The following TNFRSF10B variants were observed in gnomAD, a reference collection of about 807,000 sequenced individuals.
The protein encoded by TNFRSF10B is tumor necrosis factor receptor superfamily member 10B.
TNFRSF10B carries 35 observed loss-of-function variants against 41.4 expected under a neutral mutation model. The observed-to-expected ratio is 0.85, with a 90% CI of 0.65 to 1.12. The LOEUF (loss-of-function observed/expected upper bound fraction) is 1.12, where lower values mean the gene tolerates loss of function less well. TNFRSF10B is among the 50% of genes most tolerant of loss of function. The pLI is 0.00. For missense variants in TNFRSF10B, 584 were observed against 552.7 expected (o/e 1.06, Z -0.57); for synonymous variants, 230 against 215.5 (o/e 1.07, Z -0.59).
intron 2 of TNFRSF10B, among the ~76,000 whole-genome samples, chr8:23,037,087 C>T (rs1004779536): frequency 2.6e-5 from 4 of 152,160 alleles, no homozygotes; most frequent in Non-Finnish European, 5.9e-5. Context: ...CCCCATGTGA[C>T]ACAAATATCT....
chr8:23,043,313 T>C (rs1452715832), intron 1 of TNFRSF10B, 70 bp from the exon 2 acceptor site: 8 of 1,289,916 alleles, frequency 6.2e-6, no homozygotes, highest in African/African-American at 5.9e-5. Flanking sequence ...CCACTCACAT[T>C]CTCTTGAGCC....
chr8:23,065,073 T>C (rs974531954), intron 1 of TNFRSF10B, among the ~76,000 whole-genome samples: 6 of 152,134 alleles, frequency 3.9e-5, no homozygotes, highest in African/African-American at 1.4e-4. Context: ...TGCTTCCTGA[T>C]AGTTATTTAG....
chr8:23,068,557 G>A, intron 1 of TNFRSF10B, 194 bp downstream of exon 1: 1 of 798,560 alleles, frequency 1.3e-6, no homozygotes, highest in African/African-American at 1.8e-5. Context: ...TCTGTTCCCT[G>A]GCGGCCCAGG....
chr8:23,044,158 A>C (rs904069536), intron 1 of TNFRSF10B, among the ~76,000 whole-genome samples: 2 of 152,242 alleles, frequency 1.3e-5, no homozygotes, highest in Admixed American at 6.5e-5. Context: ...ACTTACACGT[A>C]TACAAAAATT....
rs770428803 is a variant in TNFRSF10B at position 23,068,919 on chromosome 8, C to G, written c.-25G>C. The G allele has an allele frequency of 6.2e-7, 1 of 1,613,094 alleles. No homozygotes were observed. Among genetic ancestry groups the G allele is most frequent in the African/African-American group, 1.3e-5 (1 of 74,922 alleles). On this transcript the variant is annotated 5_prime_UTR_variant, in exon 1 of 9. Coordinates refer to ENST00000276431, the MANE Select transcript of TNFRSF10B (RefSeq NM_003842.5). ...TGGCGGTAGGGAACGCTCTTATAGT[C>G]TCTCAGGCCCGTGGGTTTCAGCCCT...
At position 23,043,255 on chromosome 8, in the gene TNFRSF10B, A is replaced by C; in HGVS notation, c.145-12T>G. ...GACTCAGCTGAGACCTGTGGGGACA[A>C]AGCAGGGATGGGCATGAGTGGCTTC... On this transcript the variant is annotated splice_polypyrimidine_tract_variant and intron_variant, in intron 1 of 8. Transcript: ENST00000276431. 1 of 1,612,728 alleles carries C rather than the reference A, an allele frequency of 6.2e-7. No individual in the cohort carries two copies.
At chr8:23,046,085 G>A (rs1267430468) in intron 1 of TNFRSF10B, among the ~76,000 whole-genome samples, 2 of 152,134 alleles carry the variant, frequency 1.3e-5, no homozygotes, top group Non-Finnish European at 2.9e-5. Flanking sequence ...GTCCTAGCCA[G>A]AGCAATTAGG....
At chr8:23,029,488 G>T in intron 4 of TNFRSF10B, 122 bp downstream of exon 4, 2 of 923,738 alleles carry the variant, frequency 2.2e-6, no homozygotes, top group South Asian at 2.8e-5. Context: ...GGACCAGGAG[G>T]GGCAGCCACA....
intron 1 of TNFRSF10B, among the ~76,000 whole-genome samples, chr8:23,058,491 C>G (rs960154187): frequency 1.4e-5 from 2 of 145,430 alleles, no homozygotes; most frequent in African/African-American, 5.1e-5. Context: ...TGTGTATTGG[C>G]TTTTTTTTTT....
At chr8:23,061,749 T>G (rs1398917946) in intron 1 of TNFRSF10B, among the ~76,000 whole-genome samples, 1 of 152,234 alleles carries the variant, frequency 6.6e-6, no homozygotes, top group East Asian at 1.9e-4. Context: ...ATGAAAGGGC[T>G]TTGAATTTTA....
chr8:23,033,620 A>AAAAAAG (rs1563310598), intron 2 of TNFRSF10B, among the ~76,000 whole-genome samples: 1 of 107,668 alleles, frequency 9.3e-6, no homozygotes, highest in African/African-American at 3.2e-5. Flanking sequence ...AAAAAAAAAA[A>AAAAAAG]AGAACCCTGG....
In TNFRSF10B at chr8:23,040,436, T is replaced by C. The variant is rs572295602; in HGVS notation, c.250+2702A>G. ...AATATATATTTATTAAATATATATA[T>C]ACAAAATATATATTTATTAAATATA... On this transcript the variant is annotated intron_variant, in intron 2 of 8. Transcript: ENST00000276431. 1.2e-4 allele frequency among the ~76,000 whole-genome samples: 10 copies of C among 85,746 alleles called. 3 individuals carry two copies. Among genetic ancestry groups the C allele is most frequent in the Admixed American group, 2.9e-4 (2 of 6,954 alleles). The allele number at this position is 85,746 out of a possible 152,430, so 56.3% of individuals were successfully genotyped here.
intron 7 of TNFRSF10B, among the ~76,000 whole-genome samples, chr8:23,024,770 T>A: frequency 6.6e-6 from 1 of 152,090 alleles, no homozygotes; most frequent in East Asian, 1.9e-4. Context: ...TTACCTCAGA[T>A]GATCCATCCG....
At chr8:23,031,730 A>G (rs1811890407) in intron 2 of TNFRSF10B, among the ~76,000 whole-genome samples, 2 of 152,076 alleles carry the variant, frequency 1.3e-5, no homozygotes, top group South Asian at 4.1e-4. Flanking sequence ...CAGCACATTA[A>G]AAAAGGTGAG....
chr8:23,039,374 C>T (rs1812108335), intron 2 of TNFRSF10B, among the ~76,000 whole-genome samples: 2 of 151,950 alleles, frequency 1.3e-5, no homozygotes, highest in Admixed American at 6.6e-5. Flanking sequence ...CTGGCAAATT[C>T]AAAAGGTACA....
intron 2 of TNFRSF10B, among the ~76,000 whole-genome samples, chr8:23,033,438 T>A (rs1396285876): frequency 1.3e-5 from 2 of 150,920 alleles, no homozygotes; most frequent in Non-Finnish European, 3.0e-5. Flanking sequence ...CAAAAAAAAA[T>A]TAGCCGGGCG....
intron 1 of TNFRSF10B, among the ~76,000 whole-genome samples, chr8:23,061,377 C>A (rs1266667815): frequency 6.6e-6 from 1 of 152,124 alleles, no homozygotes; most frequent in Non-Finnish European, 1.5e-5. Context: ...TTTTACTGAA[C>A]AACAATAAAT....
intron 1 of TNFRSF10B, among the ~76,000 whole-genome samples, chr8:23,053,512 G>A (rs577376431): frequency 6.6e-6 from 1 of 152,154 alleles, no homozygotes; most frequent in Non-Finnish European, 1.5e-5. Context: ...AGCAAGCTGT[G>A]GAAGGGTAAT....
chr8:23,050,871 C>G (rs1442632060), intron 1 of TNFRSF10B, among the ~76,000 whole-genome samples: 1 of 152,040 alleles, frequency 6.6e-6, no homozygotes, highest in Admixed American at 6.6e-5. Context: ...GTCAGGAGTT[C>G]GAGACCAGCC....
Sources: gnomAD v4.1 joint callset for allele counts (sites outside exome capture counted in the v4.1 genomes callset) on GRCh38, gnomAD v4.1.1 for gene constraint, MANE v1.5 for transcripts, NCBI Gene and HGNC (gene_info 2026-07-23, HGNC 2026-07-21) for gene names.